Variants in COL23A1 observed in about 807,000 individuals in gnomAD.
COL23A1 encodes collagen alpha-1(XXIII) chain.
COL23A1 carries 97 observed loss-of-function variants against 99.3 expected under a neutral mutation model. The ratio of observed to expected loss-of-function variants is 0.98; its 90% confidence interval spans 0.83 to 1.16. COL23A1 has a LOEUF of 1.16. COL23A1 is among the 50% of genes most tolerant of loss of function. The probability of loss-of-function intolerance (pLI) is 0.00; values close to 1 mark genes in which losing one functional copy is unlikely to be tolerated. For missense variants in COL23A1, 762 were observed against 757.4 expected, an observed-to-expected ratio of 1.01 and a Z score of -0.07; for synonymous variants, 320 against 308.2, an observed-to-expected ratio of 1.04 and a Z score of -0.40.
chr5:178,291,206 C>A (rs528739623), intron 3 of COL23A1, among the ~76,000 whole-genome samples: 6 of 152,296 alleles, frequency 3.9e-5, no homozygotes, highest in South Asian at 2.1e-4. Flanking sequence ...GAACCTCACT[C>A]GAGAATGAGG....
At chr5:178,252,625 G>A (rs1210544352) in intron 16 of COL23A1, 28 bp from the exon 17 acceptor site, 4 of 1,595,958 alleles carry the variant, frequency 2.5e-6, no homozygotes, top group Admixed American at 1.7e-5. Flanking sequence ...GCCGGTCAGT[G>A]TCATGGGTTA....
chr5:178,389,579 G>C lies in COL23A1; in HGVS notation c.362-82660C>G, dbSNP rs547812463. 6.7e-5 allele frequency among the ~76,000 whole-genome samples: 10 copies of C among 150,094 alleles called. 1 individual carries two copies. In the South Asian group the frequency reaches 2.1e-3, roughly 31 times the overall value. The stretch of plus-strand genomic sequence containing the variant: ...ACACTAATTCAATGAGTTATCTCTT[G>C]TTTTGCTGGACTTCCCTCCACCCCC... On this transcript the variant is annotated intron_variant, in intron 2 of 28. Coordinates refer to ENST00000390654, the MANE Select transcript of COL23A1 (RefSeq NM_173465.4).
chr5:178,357,200 T>C (rs1761705284), intron 2 of COL23A1, among the ~76,000 whole-genome samples: 2 of 152,234 alleles, frequency 1.3e-5, no homozygotes, highest in African/African-American at 4.8e-5. Context: ...GGAAGTGACC[T>C]TGAGGGCGCC....
intron 2 of COL23A1, among the ~76,000 whole-genome samples, chr5:178,420,792 G>A (rs1275021590): frequency 6.7e-6 from 1 of 149,246 alleles, no homozygotes; most frequent in African/African-American, 2.5e-5. Flanking sequence ...CCCAAACAAT[G>A]AGAAACTTGC....
At chr5:178,486,987 G>A (rs1475249303) in intron 2 of COL23A1, among the ~76,000 whole-genome samples, 1 of 152,194 alleles carries the variant, frequency 6.6e-6, no homozygotes, top group African/African-American at 2.4e-5. Flanking sequence ...CTTAAAACTG[G>A]ACGCTCTCTA....
intron 2 of COL23A1, among the ~76,000 whole-genome samples, chr5:178,459,882 TAG>T (rs1316444676): frequency 1.3e-5 from 2 of 152,128 alleles, no homozygotes; most frequent in South Asian, 4.1e-4. Flanking sequence ...ACAAAACTAA[TAG>T]AGAGTGTTCT....
intron 2 of COL23A1, among the ~76,000 whole-genome samples, chr5:178,461,030 T>A (rs185000680): frequency 6.6e-6 from 1 of 152,272 alleles, no homozygotes; most frequent in Admixed American, 6.5e-5. Flanking sequence ...AGAGCTGCCC[T>A]CTAAGGCAGG....
intron 27 of COL23A1, among the ~76,000 whole-genome samples, chr5:178,240,305 C>T (rs1217770133): frequency 6.6e-6 from 1 of 152,196 alleles, no homozygotes; most frequent in African/African-American, 2.4e-5. Flanking sequence ...ATGTGTACAC[C>T]AGGGACCAGG....
chr5:178,336,152 T>A (rs1760304525), intron 2 of COL23A1, among the ~76,000 whole-genome samples: 1 of 151,648 alleles, frequency 6.6e-6, no homozygotes, highest in Non-Finnish European at 1.5e-5. Flanking sequence ...ACATTAGGTG[T>A]TCAATAACAT....
intron 26 of COL23A1, 22 bp downstream of exon 26, chr5:178,242,319 G>C (rs1313333983): frequency 6.2e-7 from 1 of 1,612,166 alleles, no homozygotes; most frequent in African/African-American, 1.3e-5. Context: ...TCCTGCCCCA[G>C]CTCCCGTCCA....
At chr5:178,357,936 ATGTATGTG>A (rs1761803885) in intron 2 of COL23A1, among the ~76,000 whole-genome samples, 6 of 116,470 alleles carry the variant, frequency 5.2e-5, no homozygotes, top group South Asian at 2.9e-4. Context: ...GTGTATGTGT[ATGTATGTG>A]TGTGTATGTA....
rs1292944459 is a variant in COL23A1 at position 178,384,476 on chromosome 5, G to C, written c.362-77557C>G. 2.6e-5 allele frequency among the ~76,000 whole-genome samples: 4 copies of C among 152,042 alleles called. No individual in the cohort carries two copies. The East Asian group carries it at 7.8e-4, about 30-fold the overall frequency. On this transcript the variant is annotated intron_variant, in intron 2 of 28. Coordinates refer to ENST00000390654, the MANE Select transcript of COL23A1 (RefSeq NM_173465.4). The surrounding 1 kb of genome is among the most constrained non-coding windows in gnomAD (Gnocchi z 5.5). ...CTCCTCCCTGCCCACCCCTCCCTCG[G>C]CTTTTTGGAGGCCACGTGGACGGCG...
chr5:178,252,911 C>G (rs1409199422), intron 16 of COL23A1, among the ~76,000 whole-genome samples: 1 of 152,186 alleles, frequency 6.6e-6, no homozygotes, highest in East Asian at 1.9e-4. Context: ...TGCTTTGGCT[C>G]CCTATTGCCT....
intron 2 of COL23A1, among the ~76,000 whole-genome samples, chr5:178,373,413 T>C (rs902743791): frequency 2.0e-5 from 3 of 152,058 alleles, no homozygotes; most frequent in African/African-American, 4.8e-5. Context: ...ACTTTATTTT[T>C]TATTTTTATT....
intron 21 of COL23A1, 89 bp downstream of exon 21, chr5:178,247,686 C>G: frequency 6.5e-7 from 1 of 1,549,186 alleles, no homozygotes; most frequent in East Asian, 2.3e-5. Context: ...AGCCCGCTCT[C>G]TCCTGGGTCA....
At chr5:178,559,073 G>A (rs1306479731) in intron 2 of COL23A1, among the ~76,000 whole-genome samples, 2 of 152,116 alleles carry the variant, frequency 1.3e-5, no homozygotes, top group Admixed American at 6.5e-5. Flanking sequence ...TACAGGCGTG[G>A]GCCACCGCGC....
Position 178,358,152 on chromosome 5 carries a change from ATGTG to A in COL23A1, c.362-51237_362-51234del, listed in dbSNP as rs1028414905. Among the ~76,000 whole-genome samples the A allele has an allele frequency of 2.2e-4, 29 of 131,526 alleles. No individual in the cohort carries two copies. In the South Asian group the frequency reaches 4.2e-3, roughly 19 times the overall value. The allele number at this position is 131,526 out of a possible 152,430, so 86.3% of individuals were successfully genotyped here. ...GTACGTCTAATGTGTGTGTATGTGTATGTGTGTATGTCTAATGTGTATGTGTATG... is the reference window on the plus strand; with the variant it reads ...GTACGTCTAATGTGTGTGTATGTGTATGTATGTCTAATGTGTATGTGTATG... On this transcript the variant is annotated intron_variant, in intron 2 of 28. Coordinates refer to ENST00000390654, the MANE Select transcript of COL23A1 (RefSeq NM_173465.4).
intron 2 of COL23A1, among the ~76,000 whole-genome samples, chr5:178,405,499 G>T (rs1764715078): frequency 6.6e-6 from 1 of 152,154 alleles, no homozygotes; most frequent in Non-Finnish European, 1.5e-5. Context: ...ATAAGAGGGA[G>T]AATTGAAAGA....
rs1302660184 is a variant in COL23A1, at chr5:178,522,331, G to A, written c.361+38351C>T. Among the ~76,000 whole-genome samples, 3 of 152,262 alleles carry A rather than the reference G, an allele frequency of 2.0e-5. No individual in the cohort carries two copies. In the East Asian group the frequency reaches 5.8e-4, roughly 29 times the overall value. On this transcript the variant is annotated intron_variant, in intron 2 of 28. Transcript: ENST00000390654. ...GGAAAACAACCAACCTTAGAATCGT[G>A]TTTTGGTCCTCTCAAATGAAGACAT... is the stretch of plus-strand genomic sequence containing the variant.
Sources: gnomAD v4.1 joint callset for allele counts (sites outside exome capture counted in the v4.1 genomes callset) on GRCh38, gnomAD v4.1.1 for gene constraint, Gnocchi (gnomAD v3.1) non-coding constraint, MANE v1.5 for transcripts, NCBI Gene and HGNC (gene_info 2026-07-23, HGNC 2026-07-21) for gene names.